PTPRK: variants seen among roughly 807,000 people sequenced by gnomAD.
PTPRK encodes protein tyrosine phosphatase receptor type K.
Under a neutral mutation model 178.0 loss-of-function variants are expected in PTPRK, and 75 were observed. The observed-to-expected ratio is 0.42, with a 90% confidence interval of 0.35 to 0.51. The LOEUF is 0.51. Ranked by LOEUF, PTPRK falls within the 20% of genes least tolerant of loss-of-function variation. The pLI is 0.02. For synonymous variants in PTPRK, 637 were observed against 620.6 expected (o/e 1.03, Z -0.39); for missense variants, 1,441 against 1,797.8 (o/e 0.80, Z 3.59).
intron 7 of PTPRK, among the ~76,000 whole-genome samples, chr6:128,163,995 G>T (rs114488703): frequency 0.022 from 3,318 of 151,418 alleles, 100 homozygotes; most frequent in African/African-American, 0.046. Flanking sequence ...GACATGCATA[G>T]TAAGAATTCT....
At chr6:128,463,213 G>T (rs994366588) in intron 1 of PTPRK, among the ~76,000 whole-genome samples, 8 of 152,108 alleles carry the variant, frequency 5.3e-5, no homozygotes, top group African/African-American at 1.9e-4. Context: ...GGAAGAAAAG[G>T]TTCAGAATTT....
At chr6:128,272,937 T>G (rs1409627133) in intron 3 of PTPRK, among the ~76,000 whole-genome samples, 22 of 152,182 alleles carry the variant, frequency 1.4e-4, no homozygotes, top group Non-Finnish European at 2.9e-5. Flanking sequence ...CTATTCACAA[T>G]AGCAAAGACT....
intron 3 of PTPRK, among the ~76,000 whole-genome samples, chr6:128,318,621 T>C (rs1460265735): frequency 6.6e-6 from 1 of 152,194 alleles, no homozygotes; most frequent in Non-Finnish European, 1.5e-5. Flanking sequence ...AACAGTAGAT[T>C]AGGTTTCCAC....
intron 6 of PTPRK, among the ~76,000 whole-genome samples, chr6:128,201,428 G>A (rs994097145): frequency 1.3e-5 from 2 of 152,358 alleles, no homozygotes; most frequent in Non-Finnish European, 2.9e-5. Context: ...GCATGAGTGT[G>A]TGCGTATGTT....
At chr6:127,995,856 T>C (rs1777091948) in intron 17 of PTPRK, among the ~76,000 whole-genome samples, 1 of 152,132 alleles carries the variant, frequency 6.6e-6, no homozygotes, top group South Asian at 2.1e-4. Context: ...TTTTGCTTTT[T>C]AGTCATGACT....
Position 128,442,813 on chromosome 6 carries a change from G to A in PTPRK, c.101-45125C>T, listed in dbSNP as rs889791253. 5.9e-5 allele frequency among the ~76,000 whole-genome samples: 9 copies of A among 152,294 alleles called. No homozygotes were observed. The South Asian group carries it at 8.3e-4, about 14-fold the overall frequency. ...AGGGAAAAAGTCTAATTCATTCACC[G>A]ATGGACCCCTGCATCTTCATGGCTC... On this transcript the variant is annotated intron_variant, in intron 1 of 29. Transcript: ENST00000368226.
At chr6:128,366,644 A>G (rs771849416) in intron 2 of PTPRK, among the ~76,000 whole-genome samples, 44 of 152,154 alleles carry the variant, frequency 2.9e-4, no homozygotes, top group Non-Finnish European at 5.4e-4. Flanking sequence ...GAGTTGAGAA[A>G]TCAATCAAGT....
intron 1 of PTPRK, among the ~76,000 whole-genome samples, chr6:128,433,736 T>C (rs1845144056): frequency 6.6e-6 from 1 of 151,748 alleles, no homozygotes; most frequent in Admixed American, 6.6e-5. Context: ...AGGCTGGTCT[T>C]GAATCCCTGA....
chr6:128,393,325 GT>G (rs1282570565), intron 2 of PTPRK, among the ~76,000 whole-genome samples: 3 of 151,970 alleles, frequency 2.0e-5, no homozygotes, highest in African/African-American at 7.2e-5. Flanking sequence ...TCCTAACCTC[GT>G]GATCCGCCCG....
At chr6:128,083,995 T>A (rs1421828937) in intron 8 of PTPRK, among the ~76,000 whole-genome samples, 171 bp from the exon 9 acceptor site, 1 of 152,120 alleles carries the variant, frequency 6.6e-6, no homozygotes, top group African/African-American at 2.4e-5. Context: ...TTTACTTCGA[T>A]ATATGAGAAT....
chr6:128,108,901 TAAG>T (rs920391416), intron 7 of PTPRK, among the ~76,000 whole-genome samples: 2 of 152,148 alleles, frequency 1.3e-5, no homozygotes, highest in African/African-American at 4.8e-5. Flanking sequence ...CTTTCTCTGA[TAAG>T]GACACTAATA....
At chr6:128,236,497 C>T (rs957138760) in intron 5 of PTPRK, among the ~76,000 whole-genome samples, 1 of 151,780 alleles carries the variant, frequency 6.6e-6, no homozygotes, top group Non-Finnish European at 1.5e-5. Context: ...TAGATGCGCG[C>T]ACCACCACGC....
Position 128,082,556 on chromosome 6 carries a change from C to T in PTPRK, c.1658G>A (p.Ser553Asn). 1 of 1,612,520 alleles carries T rather than the reference C, an allele frequency of 6.2e-7. No homozygotes were observed. The highest frequency in any genetic ancestry group is 2.2e-5 in the East Asian group (1 of 44,870). The stretch of plus-strand genomic sequence containing the variant: ...GAGATGCATAAAGACATGGTGTGTA[C>T]TGTTCCATAAATTTGATACAGTCTG... Reference protein sequence around the residue: ...PPQTVSNLWNSTHHVFMHLHP... With the variant: ...PPQTVSNLWNNTHHVFMHLHP... The change falls in exon 10 of 30, where the codon AGT becomes AAT. Residue 553 changes from serine (S) to asparagine (N), a missense_variant. Transcript: ENST00000368226.
chr6:128,508,772 G>A (rs183014700), intron 1 of PTPRK, among the ~76,000 whole-genome samples: 4 of 151,976 alleles, frequency 2.6e-5, no homozygotes, highest in South Asian at 2.1e-4. Context: ...GCAAAATCCC[G>A]CCTCTACTAA....
intron 13 of PTPRK, among the ~76,000 whole-genome samples, chr6:128,049,749 A>T (rs1239352071): frequency 6.6e-6 from 1 of 152,224 alleles, no homozygotes; most frequent in South Asian, 2.1e-4. Context: ...TAAATTCTTG[A>T]TGGCATCATG....
At chr6:128,295,225 C>G (rs1336394632) in intron 3 of PTPRK, among the ~76,000 whole-genome samples, 1 of 152,074 alleles carries the variant, frequency 6.6e-6, no homozygotes, top group Non-Finnish European at 1.5e-5. Flanking sequence ...TGATTCTTCT[C>G]TTTTCTACCC....
At chr6:128,091,682 C>T (rs1026956980) in intron 7 of PTPRK, among the ~76,000 whole-genome samples, 7 of 151,938 alleles carry the variant, frequency 4.6e-5, no homozygotes, top group Admixed American at 6.6e-5. Flanking sequence ...ATATTTAACC[C>T]GCTAATTCTT....
chr6:128,106,616 C>T (rs1285508773), intron 7 of PTPRK, among the ~76,000 whole-genome samples: 1 of 152,128 alleles, frequency 6.6e-6, no homozygotes, highest in Non-Finnish European at 1.5e-5. Flanking sequence ...AGCTTTTCCT[C>T]TAAACCAAAT....
At chr6:128,106,822 T>A (rs184093121) in intron 7 of PTPRK, among the ~76,000 whole-genome samples, 39 of 152,322 alleles carry the variant, frequency 2.6e-4, no homozygotes, top group Non-Finnish European at 3.8e-4. Flanking sequence ...CAAGCACATT[T>A]CTAGCACCCA....
Sources: gnomAD v4.1 joint callset for allele counts (sites outside exome capture counted in the v4.1 genomes callset) on GRCh38, gnomAD v4.1.1 for gene constraint, MANE v1.5 for transcripts, NCBI Gene and HGNC (gene_info 2026-07-23, HGNC 2026-07-21) for gene names.